Variants in GPC6 observed in about 807,000 individuals in gnomAD.
GPC6 encodes the protein glypican 6, also known as glypican-6.
GPC6 carries 14 observed loss-of-function variants against 55.2 expected under a neutral mutation model. The observed-to-expected ratio is 0.25, with a 90% CI of 0.17 to 0.40. The LOEUF (loss-of-function observed/expected upper bound fraction) is 0.40. Among genes scored for constraint, GPC6 ranks in the 10% least tolerant of loss-of-function variants. The pLI, the probability that GPC6 is intolerant of heterozygous loss-of-function variation, is 1.00. For missense variants in GPC6, 641 were observed against 708.5 expected (o/e 0.90, Z 1.08); for synonymous variants, 278 against 259.6 (o/e 1.07, Z -0.68).
At chr13:94,080,192 C>T (rs1250715872) in intron 4 of GPC6, among the ~76,000 whole-genome samples, 8 of 152,114 alleles carry the variant, frequency 5.3e-5, no homozygotes, top group African/African-American at 1.7e-4. Flanking sequence ...CCATGTGAAA[C>T]TTTTTAAGAA....
chr13:93,249,267 A>C (rs1158484223), intron 1 of GPC6, among the ~76,000 whole-genome samples: 1 of 152,188 alleles, frequency 6.6e-6, no homozygotes, highest in Non-Finnish European at 1.5e-5. Context: ...TAATTAATGG[A>C]ACCCTGTGAA....
intron 1 of GPC6, among the ~76,000 whole-genome samples, chr13:93,525,578 C>T (rs944262918): frequency 1.3e-5 from 2 of 152,036 alleles, no homozygotes; most frequent in African/African-American, 2.4e-5. Flanking sequence ...AGGATAGACT[C>T]TTCTGAGCAC....
chr13:93,784,842 G>C (rs1056647857), intron 2 of GPC6, among the ~76,000 whole-genome samples: 82 of 152,282 alleles, frequency 5.4e-4, no homozygotes, highest in African/African-American at 1.9e-3. Context: ...CCACAGCTGA[G>C]ACACAGATTG....
chr13:93,323,846 T>C (rs1009904213), intron 1 of GPC6, among the ~76,000 whole-genome samples: 1 of 152,170 alleles, frequency 6.6e-6, no homozygotes, highest in African/African-American at 2.4e-5. Flanking sequence ...TATTAAATTA[T>C]GCCAGTTAGT....
At chr13:93,699,931 GT>G (rs1186491868) in intron 2 of GPC6, among the ~76,000 whole-genome samples, 4 of 151,692 alleles carry the variant, frequency 2.6e-5, no homozygotes, top group Non-Finnish European at 4.4e-5. Flanking sequence ...CCTATGATCA[GT>G]ATCAGGTAAA....
At chr13:93,903,629 C>T (rs1467768232) in intron 3 of GPC6, among the ~76,000 whole-genome samples, 1 of 152,112 alleles carries the variant, frequency 6.6e-6, no homozygotes, top group African/African-American at 2.4e-5. Context: ...TTAATGGAGC[C>T]TGTGCTGCTT....
chr13:94,251,727 A>G (rs940777868), intron 4 of GPC6, among the ~76,000 whole-genome samples: 2 of 144,664 alleles, frequency 1.4e-5, no homozygotes, highest in African/African-American at 2.8e-5. Flanking sequence ...AAAAAAAACA[A>G]AAACAAAACA....
chr13:94,133,192 C>CTA (rs1377418711), intron 4 of GPC6, among the ~76,000 whole-genome samples: 2 of 111,206 alleles, frequency 1.8e-5, no homozygotes, highest in Non-Finnish European at 4.1e-5. Flanking sequence ...TAGACAACGA[C>CTA]TATATGACTC....
chr13:93,272,684 T>C (rs1451783834), intron 1 of GPC6, among the ~76,000 whole-genome samples: 5 of 152,140 alleles, frequency 3.3e-5, no homozygotes, highest in Non-Finnish European at 7.4e-5. Context: ...TTGGATATAA[T>C]GTCTGTGAGT....
chr13:93,658,273 A>G (rs929670367), intron 2 of GPC6, among the ~76,000 whole-genome samples: 2 of 151,966 alleles, frequency 1.3e-5, no homozygotes, highest in East Asian at 1.9e-4. Flanking sequence ...GTTTTTGCCT[A>G]TTCATATAAC....
At chr13:94,281,310 C>A (rs1271818500) in intron 4 of GPC6, among the ~76,000 whole-genome samples, 1 of 152,140 alleles carries the variant, frequency 6.6e-6, no homozygotes, top group Non-Finnish European at 1.5e-5. Context: ...TTAAGCTCCA[C>A]ATGCATTACG....
At chr13:93,648,077 C>T (rs1236504230) in intron 2 of GPC6, among the ~76,000 whole-genome samples, 1 of 152,122 alleles carries the variant, frequency 6.6e-6, no homozygotes, top group African/African-American at 2.4e-5. Flanking sequence ...GATACATGAA[C>T]TGCCCTTGTC....
At chr13:93,870,696 T>G (rs927982809) in intron 3 of GPC6, among the ~76,000 whole-genome samples, 2 of 151,690 alleles carry the variant, frequency 1.3e-5, no homozygotes, top group Admixed American at 1.3e-4. Context: ...TAAGAAGAGA[T>G]AAGGACACAC....
chr13:94,039,802 T>C (rs981970202), intron 4 of GPC6, among the ~76,000 whole-genome samples: 11 of 151,878 alleles, frequency 7.2e-5, no homozygotes, highest in African/African-American at 2.7e-4. Context: ...TGCATTTTTC[T>C]TCCCTGTGAA....
chr13:93,633,813 T>C (rs1228511365), intron 2 of GPC6, among the ~76,000 whole-genome samples: 1 of 152,146 alleles, frequency 6.6e-6, no homozygotes, highest in Non-Finnish European at 1.5e-5. Context: ...ATTCTTGTTT[T>C]GAAATTTTTG....
chr13:93,676,121 AAAAAAATATAT>A (rs1881594171), intron 2 of GPC6, among the ~76,000 whole-genome samples: 1 of 11,980 alleles, frequency 8.3e-5, no homozygotes, highest in South Asian at 3.7e-3. Context: ...AAAAAAAAAA[AAAAAAATATAT>A]ATATATATAT....
chr13:93,866,776 T>C (rs1378463268), intron 3 of GPC6, among the ~76,000 whole-genome samples: 1 of 151,710 alleles, frequency 6.6e-6, no homozygotes, highest in African/African-American at 2.4e-5. Context: ...GGTACCAGGC[T>C]AAATACCTGG....
intron 1 of GPC6, among the ~76,000 whole-genome samples, chr13:93,242,228 C>A (rs1184783866): frequency 1.3e-5 from 2 of 152,076 alleles, no homozygotes; most frequent in Non-Finnish European, 2.9e-5. Flanking sequence ...ATGGATGTAG[C>A]CTAGGGAGTT....
intron 6 of GPC6, among the ~76,000 whole-genome samples, chr13:94,373,860 G>C (rs1259505760): frequency 6.6e-6 from 1 of 152,060 alleles, no homozygotes; most frequent in Non-Finnish European, 1.5e-5. Flanking sequence ...ACTAACAGCG[G>C]ATCTCTCGGC....
Sources: allele counts gnomAD v4.1 joint callset (sites outside exome capture counted in the v4.1 genomes callset), GRCh38; gene constraint gnomAD v4.1.1; transcripts MANE v1.5; gene names NCBI Gene and HGNC (gene_info 2026-07-23, HGNC 2026-07-21).